ORC4: variants seen among roughly 807,000 people sequenced by gnomAD.
The protein encoded by ORC4 is origin recognition complex subunit 4, also known as origin recognition complex, subunit 4 homolog.
ORC4 carries 55 observed loss-of-function variants against 63.9 expected under a neutral mutation model. That is an observed-to-expected ratio of 0.86 (90% CI 0.69 to 1.08). The LOEUF (loss-of-function observed/expected upper bound fraction) is 1.08. Ranked by LOEUF, ORC4 falls within the 50% of genes least tolerant of loss-of-function variation. ORC4 has a pLI of 0.00. For synonymous variants in ORC4, 150 were observed against 168.5 expected (o/e 0.89, Z 0.85); for missense variants, 511 against 504.4 (o/e 1.01, Z -0.13).
intron 1 of ORC4, among the ~76,000 whole-genome samples, chr2:148,016,486 C>A (rs973762417): frequency 2.0e-5 from 3 of 152,176 alleles, no homozygotes; most frequent in Non-Finnish European, 4.4e-5. Flanking sequence ...AACACCCAAC[C>A]GCACACTGCA....
chr2:148,018,291 G>A (rs1052924158), intron 1 of ORC4, among the ~76,000 whole-genome samples: 1 of 152,118 alleles, frequency 6.6e-6, no homozygotes, highest in African/African-American at 2.4e-5. Flanking sequence ...ATCAAGTTGG[G>A]AAAAAGGAAA....
chr2:147,975,508 A>G (rs77775635), intron 2 of ORC4, among the ~76,000 whole-genome samples: 57 of 558 alleles, frequency 0.1, 1 homozygote, highest in South Asian at 0.29. Context: ...AGAAAAGGGA[A>G]AAAAAAAAAA....
rs1013231118 is a variant in ORC4, at chr2:147,935,227, T to TTA, written c.*281_*282dup. ...TGAAGTGAGCTCTTCAAATAGACCATTATATATATAAGTGTTAAAAAAGCA... is the reference window on the plus strand; with the variant it reads ...TGAAGTGAGCTCTTCAAATAGACCATTATATATATATAAGTGTTAAAAAAGCA... On this transcript the variant is annotated 3_prime_UTR_variant, in exon 14 of 14. Coordinates refer to ENST00000392857, the MANE Select transcript of ORC4 (RefSeq NM_181741.4). 1.2e-5 allele frequency: 5 copies of TTA among 405,084 alleles called. No individual in the cohort carries two copies. Among genetic ancestry groups the TTA allele is most frequent in the Non-Finnish European group, 2.3e-5 (5 of 218,546 alleles). 25.1% of individuals were successfully genotyped at this position (405,084 alleles called of 1,614,324 possible). A position where few individuals can be genotyped will look rare whatever the true frequency, so the allele number is the denominator to read the frequency against.
At chr2:148,017,680 A>G (rs1279794870) in intron 1 of ORC4, among the ~76,000 whole-genome samples, 4 of 149,732 alleles carry the variant, frequency 2.7e-5, no homozygotes, top group Non-Finnish European at 6.0e-5. Flanking sequence ...TCCAGGGGGG[A>G]AAAAATCTCC....
At chr2:147,981,648 A>G (rs1558859668) in intron 1 of ORC4, among the ~76,000 whole-genome samples, 1 of 152,220 alleles carries the variant, frequency 6.6e-6, no homozygotes, top group Non-Finnish European at 1.5e-5. Context: ...ATGTATACCT[A>G]TATTAAAACA....
At chr2:148,021,308 G>A, upstream of ORC4, 1 of 394,724 alleles carries the variant, frequency 2.5e-6, no homozygotes, top group East Asian at 6.2e-5. Flanking sequence ...AGAGGAGAAG[G>A]AGTTTCTTCT....
At chr2:147,946,322 G>A (rs1688656914) in intron 9 of ORC4, among the ~76,000 whole-genome samples, 1 of 151,818 alleles carries the variant, frequency 6.6e-6, no homozygotes, top group Admixed American at 6.6e-5. Context: ...GGAAAGTACA[G>A]ACATTTAAAT....
rs1273001070 is a variant in ORC4 at position 147,935,511 on chromosome 2, C to T, written c.1310G>A (p.Ter437=). 2 of 1,606,978 alleles carry T rather than the reference C, an allele frequency of 1.2e-6. No individual in the cohort carries two copies. The highest frequency in any genetic ancestry group is 1.7e-6 in the Non-Finnish European group (2 of 1,173,716). ...QWATSSLSWL[*] ...CAAAGTTGAAGTCACTGGTTATATT[C>T]ATAACCAGCTTAGTGAGGATGTTGC... Residue 437 remains the stop codon, a stop_retained_variant, in exon 14 of 14, where the codon TGA becomes TAA. Transcript: ENST00000392857.
At chr2:147,976,347 C>T (rs1006314244) in intron 1 of ORC4, among the ~76,000 whole-genome samples, 1 of 152,116 alleles carries the variant, frequency 6.6e-6, no homozygotes, top group Middle Eastern at 3.2e-3. Context: ...AAGGTATGTA[C>T]ATTTTTTAGA....
At chr2:147,988,877 A>G (rs1368162115) in intron 1 of ORC4, among the ~76,000 whole-genome samples, 1 of 152,138 alleles carries the variant, frequency 6.6e-6, no homozygotes, top group Admixed American at 6.5e-5. Flanking sequence ...TTTGTGTTAT[A>G]GGGCATTTTG....
At position 147,937,490 on chromosome 2, in the gene ORC4, A is replaced by G. The variant is rs112298414; in HGVS notation, c.1122+656T>C. Among the ~76,000 whole-genome samples, 1,241 of 152,336 alleles carry G rather than the reference A, an allele frequency of 8.1e-3. 16 individuals are homozygous for G. The highest frequency in any genetic ancestry group is 0.028 in the African/African-American group (1,166 of 41,566). ...TTAGGCCATTGAGATGTGCTTAAAT[A>G]TAATGTACACCAAATGTTAAAGACT... is the stretch of plus-strand genomic sequence containing the variant. On this transcript the variant is annotated intron_variant, in intron 13 of 13. Transcript: ENST00000392857.
rs1386446177 is a variant in ORC4 at position 147,933,050 on chromosome 2, C to T, written c.*2460G>A. On this transcript the variant is annotated 3_prime_UTR_variant, in exon 14 of 14. Coordinates refer to ENST00000392857, the MANE Select transcript of ORC4 (RefSeq NM_181741.4). ...GAATCAGTCATTTTAACAAGAATTCCGTTTCTGCTGGGCCACTTGGATCCC... is the reference window on the plus strand; with the variant it reads ...GAATCAGTCATTTTAACAAGAATTCTGTTTCTGCTGGGCCACTTGGATCCC... The T allele has an allele frequency of 4.6e-5, 7 of 151,976 alleles. No individual in the cohort carries two copies. Among genetic ancestry groups the T allele is most frequent in the Non-Finnish European group, 7.4e-5 (5 of 67,982 alleles). 9.4% of individuals were successfully genotyped at this position (151,976 alleles called of 1,614,324 possible). A position where few individuals can be genotyped will look rare whatever the true frequency, so the allele number is the denominator to read the frequency against.
chr2:147,992,115 A>G (rs1466468139), intron 1 of ORC4, among the ~76,000 whole-genome samples: 1 of 152,174 alleles, frequency 6.6e-6, no homozygotes, highest in Non-Finnish European at 1.5e-5. Context: ...TACATCTTAA[A>G]TATTATAGTG....
chr2:147,977,611 A>C (rs565704466), intron 1 of ORC4, among the ~76,000 whole-genome samples: 1 of 152,308 alleles, frequency 6.6e-6, no homozygotes, highest in African/African-American at 2.4e-5. Context: ...CAGATTCCCC[A>C]ACTGTGGTCC....
chr2:148,011,258 A>G (rs1692950477), intron 1 of ORC4, among the ~76,000 whole-genome samples: 1 of 152,214 alleles, frequency 6.6e-6, no homozygotes, highest in Admixed American at 6.5e-5. Flanking sequence ...ATTCAACAGC[A>G]CATTAAAAAG....
chr2:147,999,806 T>C (rs1328459361), intron 1 of ORC4, among the ~76,000 whole-genome samples: 3 of 152,118 alleles, frequency 2.0e-5, no homozygotes, highest in Non-Finnish European at 4.4e-5. Flanking sequence ...CAATGATTGC[T>C]ACATAGCTGA....
chr2:147,935,844 A>G (rs1269865053), intron 13 of ORC4, 146 bp from the exon 14 acceptor site: 1 of 660,862 alleles, frequency 1.5e-6, no homozygotes, highest in Non-Finnish European at 2.7e-6. Flanking sequence ...TAGGATTAAA[A>G]AAACTCTCAC....
At chr2:148,013,046 C>T (rs1201319713) in intron 1 of ORC4, among the ~76,000 whole-genome samples, 3 of 152,076 alleles carry the variant, frequency 2.0e-5, no homozygotes, top group Non-Finnish European at 4.4e-5. Context: ...CCTAAAAACA[C>T]AACAAATAGA....
intron 1 of ORC4, among the ~76,000 whole-genome samples, chr2:148,010,769 A>T (rs1163844757): frequency 6.6e-6 from 1 of 152,048 alleles, no homozygotes; most frequent in Non-Finnish European, 1.5e-5. Context: ...TTTAAAGAAG[A>T]ACTAACATCA....
Sources: gnomAD v4.1 joint callset for allele counts (sites outside exome capture counted in the v4.1 genomes callset) on GRCh38, gnomAD v4.1.1 for gene constraint, MANE v1.5 for transcripts, NCBI Gene and HGNC (gene_info 2026-07-23, HGNC 2026-07-21) for gene names.